The following TNPO1 variants were observed in gnomAD, a reference collection of about 807,000 sequenced individuals.
TNPO1 encodes transportin 1.
Under a neutral mutation model 119.5 loss-of-function variants are expected in TNPO1, and 8 were observed. The ratio of observed to expected loss-of-function variants is 0.07; its 90% CI spans 0.04 to 0.12. TNPO1 has a LOEUF of 0.12. Among genes scored for constraint, TNPO1 ranks in the 10% least tolerant of loss-of-function variants. The pLI is 1.00. For synonymous variants in TNPO1, 362 were observed against 363.0 expected (o/e 1.00, Z 0.03); for missense variants, 576 against 1,089.8 (o/e 0.53, Z 6.64).
In TNPO1 at chr5:72,881,188, A is replaced by T. The variant is rs147212753; in HGVS notation, c.921-1279A>T. 6.8e-3 allele frequency among the ~76,000 whole-genome samples: 1,037 copies of T among 151,958 alleles called. 3 individuals are homozygous for T. The highest frequency in any genetic ancestry group is 0.011 in the Non-Finnish European group (769 of 67,936). ...TGCAGTGGCGCGATCTCAGCTCACT[A>T]CAAGCTCCACCACCCGGGTTCAAGT... On this transcript the variant is annotated intron_variant, in intron 9 of 24. Transcript: ENST00000337273.
At position 72,909,195 on chromosome 5, in the gene TNPO1, T is replaced by C. The variant is rs950907992; in HGVS notation, c.*522T>C. ...GATGGGGCCTTGTTTTGCATGTTGA[T>C]GAAGAACTACACAAAGAAAACTAAT... is the stretch of plus-strand genomic sequence containing the variant. On this transcript the variant is annotated 3_prime_UTR_variant, in exon 25 of 25. Coordinates refer to ENST00000337273, the MANE Select transcript of TNPO1 (RefSeq NM_002270.4). 1.3e-5 allele frequency: 2 copies of C among 153,920 alleles called. No individual in the cohort carries two copies. Among genetic ancestry groups the C allele is most frequent in the African/African-American group, 4.8e-5 (2 of 41,264 alleles). The allele number at this position is 153,920 out of a possible 1,614,324, so 9.5% of individuals were successfully genotyped here.
intron 3 of TNPO1, among the ~76,000 whole-genome samples, chr5:72,855,110 C>T (rs1012888650): frequency 6.6e-6 from 1 of 151,962 alleles, no homozygotes; most frequent in African/African-American, 2.4e-5. Context: ...ATTCTCCTGC[C>T]TCCGCCTCCC....
At chr5:72,857,384 C>T (rs188262554) in intron 4 of TNPO1, among the ~76,000 whole-genome samples, 232 of 152,102 alleles carry the variant, frequency 1.5e-3, no homozygotes, top group African/African-American at 5.2e-3. Flanking sequence ...ACTTACAAAG[C>T]ATTGGCTCTA....
intron 2 of TNPO1, among the ~76,000 whole-genome samples, chr5:72,850,675 A>T (rs1175305533): frequency 6.6e-6 from 1 of 152,222 alleles, no homozygotes; most frequent in Non-Finnish European, 1.5e-5. Context: ...CTTGGGGATG[A>T]GGGGAAGAAT....
At chr5:72,896,680 G>T in intron 19 of TNPO1, 124 bp downstream of exon 19, 3 of 630,960 alleles carry the variant, frequency 4.8e-6, no homozygotes, top group Non-Finnish European at 7.9e-6. Context: ...GACCAGCCTG[G>T]TTGACATGGT....
intron 23 of TNPO1, among the ~76,000 whole-genome samples, chr5:72,904,587 G>A (rs1322827347): frequency 1.3e-5 from 2 of 152,158 alleles, no homozygotes; most frequent in East Asian, 3.9e-4. Context: ...CCTGAGGTCA[G>A]GAGTTCAAGA....
rs1748920922 is a variant in TNPO1 at position 72,889,832 on chromosome 5, T to C, written c.1576T>C (p.Tyr526His). The C allele has an allele frequency of 6.2e-7, 1 of 1,613,558 alleles. No individual in the cohort carries two copies. The change falls in exon 14 of 25, where the codon TAC becomes CAC. Residue 526 changes from tyrosine (Y) to histidine (H), a missense_variant. By Grantham distance (83) the Tyr-to-His change is moderately conservative. This residue lies in a region of TNPO1 where 310 missense variants were observed against 583.0 expected (regional missense o/e 0.53). Coordinates refer to ENST00000337273, the MANE Select transcript of TNPO1 (RefSeq NM_002270.4). ...EEEACTELVP[Y>H]LAYILDTLVF... The stretch of plus-strand genomic sequence containing the variant: ...GGAGGCTTGTACAGAACTTGTTCCT[T>C]ACCTTGCTTATATACTTGATACCCT...
intron 1 of TNPO1, among the ~76,000 whole-genome samples, chr5:72,835,872 C>T (rs1050679236): frequency 6.6e-6 from 1 of 152,228 alleles, no homozygotes; most frequent in East Asian, 1.9e-4. Flanking sequence ...GCAAATTGCT[C>T]TCCAGCTATG....
intron 18 of TNPO1, among the ~76,000 whole-genome samples, chr5:72,894,141 A>T (rs1233590448): frequency 6.6e-6 from 1 of 152,204 alleles, no homozygotes; most frequent in Non-Finnish European, 1.5e-5. Flanking sequence ...TTTAACTGAG[A>T]CTGGGCCTGG....
chr5:72,874,850 A>T (rs564372063), intron 7 of TNPO1, among the ~76,000 whole-genome samples: 2 of 152,140 alleles, frequency 1.3e-5, no homozygotes, highest in African/African-American at 4.8e-5. Flanking sequence ...ATAAAGTAAG[A>T]CTTTATGTGT....
At chr5:72,883,555 G>C (rs1748404546) in intron 11 of TNPO1, among the ~76,000 whole-genome samples, 1 of 152,124 alleles carries the variant, frequency 6.6e-6, no homozygotes, top group Non-Finnish European at 1.5e-5. Context: ...CTTTAACTTA[G>C]CATAAAGTTT....
intron 1 of TNPO1, among the ~76,000 whole-genome samples, chr5:72,842,150 A>G (rs1484444920): frequency 1.3e-5 from 2 of 152,158 alleles, no homozygotes; most frequent in African/African-American, 4.8e-5. Flanking sequence ...ATCTATTATG[A>G]CTTTTATGAT....
chr5:72,859,458 A>C (rs953008695), intron 4 of TNPO1, among the ~76,000 whole-genome samples: 4 of 152,198 alleles, frequency 2.6e-5, no homozygotes, highest in African/African-American at 9.6e-5. Flanking sequence ...GCATCTACTA[A>C]TAATATATAC....
chr5:72,822,390 G>A (rs1295921850), intron 1 of TNPO1, among the ~76,000 whole-genome samples: 1 of 151,716 alleles, frequency 6.6e-6, no homozygotes, highest in Non-Finnish European at 1.5e-5. Context: ...TGAGAAGGTT[G>A]TAGGGATAAC....
rs1023697860 is a variant in TNPO1, at chr5:72,913,367, C to T, written c.*4694C>T. On this transcript the variant is annotated 3_prime_UTR_variant, in exon 25 of 25. Transcript: ENST00000337273. ...TAATTCTTTATGCCTAGTTATTATA[C>T]ATATTAATTTTTAAGGTATACATTT... is the stretch of plus-strand genomic sequence containing the variant. 10 of 152,250 alleles carry T rather than the reference C, an allele frequency of 6.6e-5. No homozygotes were observed. Among genetic ancestry groups the T allele is most frequent in the Non-Finnish European group, 1.3e-4 (9 of 67,898 alleles). The allele number at this position is 152,250 out of a possible 1,614,324, so 9.4% of individuals were successfully genotyped here. A position where few individuals can be genotyped will look rare whatever the true frequency, so the allele number is the denominator to read the frequency against.
At chr5:72,834,802 C>A (rs955490460) in intron 1 of TNPO1, among the ~76,000 whole-genome samples, 1 of 152,228 alleles carries the variant, frequency 6.6e-6, no homozygotes, top group South Asian at 2.1e-4. Flanking sequence ...AGGGCAACTT[C>A]TAGTCCTATA....
chr5:72,823,609 C>T (rs774062073), intron 1 of TNPO1, among the ~76,000 whole-genome samples: 1 of 152,212 alleles, frequency 6.6e-6, no homozygotes, highest in Non-Finnish European at 1.5e-5. Flanking sequence ...CCCTTACCCT[C>T]TTGATGTTTT....
At chr5:72,896,869 A>G (rs1016040351) in intron 19 of TNPO1, among the ~76,000 whole-genome samples, 187 bp from the exon 20 acceptor site, 6 of 152,212 alleles carry the variant, frequency 3.9e-5, no homozygotes, top group Non-Finnish European at 8.8e-5. Flanking sequence ...CTTTGTCTCA[A>G]AATAAATAAA....
intron 1 of TNPO1, among the ~76,000 whole-genome samples, chr5:72,845,074 C>CTTTTTT (rs111512326): frequency 7.0e-6 from 1 of 142,540 alleles, no homozygotes; most frequent in Admixed American, 7.0e-5. Flanking sequence ...GTTGAAATGC[C>CTTTTTT]TTTTTTTTTT....
Sources: gnomAD v4.1 joint callset for allele counts (sites outside exome capture counted in the v4.1 genomes callset) on GRCh38, gnomAD v4.1.1 for gene constraint, gnomAD v4.1.1 regional missense constraint, MANE v1.5 for transcripts, NCBI Gene and HGNC (gene_info 2026-07-23, HGNC 2026-07-21) for gene names.